The following SIK3 variants were observed in gnomAD, a reference collection of about 807,000 sequenced individuals.
SIK3 encodes the protein serine/threonine-protein kinase SIK3.
A neutral mutation model predicts 144.2 loss-of-function variants in SIK3; 28 were observed. The observed-to-expected ratio is 0.19, with a 90% CI of 0.14 to 0.27. The LOEUF is 0.27. Among genes scored for constraint, SIK3 ranks in the 10% least tolerant of loss-of-function variants. The pLI is 1.00. For synonymous variants in SIK3, 686 were observed against 676.3 expected (o/e 1.01, Z -0.22); for missense variants, 1,319 against 1,776.0 (o/e 0.74, Z 4.62).
chr11:117,030,079 T>C (rs1952189556), intron 1 of SIK3, among the ~76,000 whole-genome samples: 1 of 152,058 alleles, frequency 6.6e-6, no homozygotes, highest in South Asian at 2.1e-4. Context: ...GAAAAAGTGT[T>C]TGGAAACCTT....
intron 1 of SIK3, among the ~76,000 whole-genome samples, chr11:116,967,545 G>A (rs1022235445): frequency 6.6e-6 from 1 of 152,146 alleles, no homozygotes; most frequent in African/African-American, 2.4e-5. Flanking sequence ...GTGAACCAAG[G>A]AAACAGAAAA....
chr11:117,026,425 C>T (rs191670515), intron 1 of SIK3, among the ~76,000 whole-genome samples: 5 of 152,198 alleles, frequency 3.3e-5, no homozygotes, highest in Admixed American at 2.0e-4. Flanking sequence ...TTGCATTCTA[C>T]AATATGATAT....
intron 1 of SIK3, among the ~76,000 whole-genome samples, chr11:117,025,522 T>A (rs565508756): frequency 6.6e-6 from 1 of 152,260 alleles, no homozygotes; most frequent in East Asian, 1.9e-4. Flanking sequence ...CTCAGCTCAC[T>A]GCAACTTCTG....
At chr11:117,090,554 C>T (rs1955199424) in intron 1 of SIK3, among the ~76,000 whole-genome samples, 1 of 152,202 alleles carries the variant, frequency 6.6e-6, no homozygotes, top group Admixed American at 6.5e-5. Flanking sequence ...AAGAAACATA[C>T]CCTCAAAGGT....
intron 1 of SIK3, among the ~76,000 whole-genome samples, chr11:117,003,094 C>T (rs1226469105): frequency 6.6e-6 from 1 of 152,180 alleles, no homozygotes; most frequent in Non-Finnish European, 1.5e-5. Flanking sequence ...AATGAGGTAG[C>T]TGAGAGAGAA....
At chr11:117,017,625 C>A (rs1235990722) in intron 1 of SIK3, among the ~76,000 whole-genome samples, 1 of 152,020 alleles carries the variant, frequency 6.6e-6, no homozygotes, top group Non-Finnish European at 1.5e-5. Context: ...AAGTAAAAGT[C>A]ATTTACTCCT....
intron 1 of SIK3, among the ~76,000 whole-genome samples, chr11:117,081,777 T>C (rs746350488): frequency 1.3e-4 from 20 of 152,144 alleles, no homozygotes; most frequent in Non-Finnish European, 2.8e-4. Context: ...AACAACTATA[T>C]AAATTAAGAA....
chr11:117,064,787 C>A (rs1295357188), intron 1 of SIK3, among the ~76,000 whole-genome samples: 1 of 152,188 alleles, frequency 6.6e-6, no homozygotes, highest in Non-Finnish European at 1.5e-5. Flanking sequence ...ACTAATATAT[C>A]TGAACTGCAC....
At chr11:116,915,688 A>G (rs1946598357) in intron 4 of SIK3, among the ~76,000 whole-genome samples, 1 of 152,218 alleles carries the variant, frequency 6.6e-6, no homozygotes, top group African/African-American at 2.4e-5. Context: ...CCCTAGAAAC[A>G]ATTTGATGTG....
intron 3 of SIK3, among the ~76,000 whole-genome samples, chr11:116,949,086 C>A (rs1398547877): frequency 6.6e-6 from 1 of 151,802 alleles, no homozygotes; most frequent in Non-Finnish European, 1.5e-5. Context: ...TACTAAAACT[C>A]ATGATATGCA....
intron 1 of SIK3, among the ~76,000 whole-genome samples, chr11:117,001,137 G>A (rs535610773): frequency 6.6e-6 from 1 of 152,182 alleles, no homozygotes; most frequent in Non-Finnish European, 1.5e-5. Flanking sequence ...TCTTCTCTGA[G>A]GTTTATGTCA....
intron 1 of SIK3, among the ~76,000 whole-genome samples, chr11:117,057,592 C>T (rs1470026844): frequency 6.6e-6 from 1 of 152,106 alleles, no homozygotes; most frequent in Non-Finnish European, 1.5e-5. Flanking sequence ...TTTCTGACCT[C>T]GAGGAGCTTA....
At chr11:116,929,148 T>C (rs1947454471) in intron 3 of SIK3, among the ~76,000 whole-genome samples, 1 of 152,194 alleles carries the variant, frequency 6.6e-6, no homozygotes, top group Non-Finnish European at 1.5e-5. Flanking sequence ...GGTAGAATGC[T>C]ATGTTTTAAG....
At chr11:117,018,641 C>T (rs985200545) in intron 1 of SIK3, among the ~76,000 whole-genome samples, 1 of 152,084 alleles carries the variant, frequency 6.6e-6, no homozygotes, top group South Asian at 2.1e-4. Flanking sequence ...AGAAGAAATG[C>T]TATGGCCAGA....
intron 1 of SIK3, among the ~76,000 whole-genome samples, chr11:117,066,193 T>C (rs767928383): frequency 6.6e-6 from 1 of 151,618 alleles, no homozygotes; most frequent in Non-Finnish European, 1.5e-5. Flanking sequence ...CTCAGCCTCC[T>C]GAGTAGCTGG....
chr11:117,027,225 C>T (rs1175746986), intron 1 of SIK3, among the ~76,000 whole-genome samples: 1 of 152,188 alleles, frequency 6.6e-6, no homozygotes, highest in Non-Finnish European at 1.5e-5. Context: ...CATCTCTGCT[C>T]TAACTATACA....
At chr11:116,962,436 A>C (rs1047447109) in intron 1 of SIK3, among the ~76,000 whole-genome samples, 7 of 152,356 alleles carry the variant, frequency 4.6e-5, no homozygotes, top group Admixed American at 4.6e-4. Context: ...AAAACATTAC[A>C]GTTTGAAGAA....
intron 1 of SIK3, among the ~76,000 whole-genome samples, chr11:117,096,076 A>G (rs1488160439): frequency 1.3e-5 from 2 of 152,234 alleles, no homozygotes; most frequent in Admixed American, 6.5e-5. Context: ...ACGCACATAT[A>G]CACACACATG....
chr11:117,086,789 G>A (rs1955030893), intron 1 of SIK3, among the ~76,000 whole-genome samples: 1 of 151,870 alleles, frequency 6.6e-6, no homozygotes, highest in Non-Finnish European at 1.5e-5. Flanking sequence ...AAAGTCAGGA[G>A]TTGGAGAGCA....
Sources: allele counts gnomAD v4.1 joint callset (sites outside exome capture counted in the v4.1 genomes callset), GRCh38; gene constraint gnomAD v4.1.1; transcripts MANE v1.5; gene names NCBI Gene and HGNC (gene_info 2026-07-23, HGNC 2026-07-21).